PRKG2: variants seen among roughly 807,000 people sequenced by gnomAD.
PRKG2 encodes the protein cGMP-dependent protein kinase 2.
A neutral mutation model predicts 97.2 loss-of-function variants in PRKG2; 33 were observed. That is an observed-to-expected ratio of 0.34 (90% CI 0.26 to 0.45). The LOEUF (loss-of-function observed/expected upper bound fraction) is 0.45. Among genes scored for constraint, PRKG2 ranks in the 20% least tolerant of loss-of-function variants. The pLI is 1.00. For missense variants in PRKG2, 638 were observed against 900.0 expected, an observed-to-expected ratio of 0.71 and a Z score of 3.73; for synonymous variants, 330 against 321.8, an observed-to-expected ratio of 1.03 and a Z score of -0.27.
intron 14 of PRKG2, among the ~76,000 whole-genome samples, chr4:81,123,467 C>T (rs940016012): frequency 8.5e-5 from 13 of 152,202 alleles, no homozygotes; most frequent in Admixed American, 3.3e-4. Context: ...TGCAGTGGCA[C>T]GATCTCGGCT....
At position 81,104,425 on chromosome 4, in the gene PRKG2, G is replaced by T. The variant is rs778125868; in HGVS notation, c.2071C>A (p.Pro691Thr). ...DLIRRLCRQNPTERLGNLKNG... is the reference protein window; with the variant it reads ...DLIRRLCRQNTTERLGNLKNG... ...TTCAGATTTCCCAGCCTTTCTGTTGGATTTTGCCTAAAACAATAATTTGTA... is the reference window on the plus strand; with the variant it reads ...TTCAGATTTCCCAGCCTTTCTGTTGTATTTTGCCTAAAACAATAATTTGTA... Residue 691 changes from proline (P) to threonine (T), a missense_variant, in exon 17 of 19, where the codon CCA becomes ACA. By Grantham distance (38) the Pro-to-Thr change is conservative (BLOSUM62 -1). Coordinates refer to ENST00000264399, the MANE Select transcript of PRKG2 (RefSeq NM_006259.3). The T allele has an allele frequency of 4.1e-6, 6 of 1,448,622 alleles. No individual in the cohort carries two copies. The highest frequency in any genetic ancestry group is 2.7e-5 in the East Asian group (1 of 37,544). The allele number at this position is 1,448,622 out of a possible 1,614,324, so 89.7% of individuals were successfully genotyped here.
chr4:81,214,042 C>A (rs1035531311), intron 1 of PRKG2, among the ~76,000 whole-genome samples: 25 of 151,244 alleles, frequency 1.7e-4, no homozygotes, highest in African/African-American at 6.1e-4. Flanking sequence ...GTGGGATGAT[C>A]GCCTTCTTCA....
chr4:81,114,112 C>T (rs1578361740), intron 14 of PRKG2, among the ~76,000 whole-genome samples: 1 of 152,026 alleles, frequency 6.6e-6, no homozygotes, highest in East Asian at 1.9e-4. Context: ...ATCTCATATG[C>T]CACCACTTAT....
At chr4:81,182,341 C>G (rs1357866044) in intron 2 of PRKG2, among the ~76,000 whole-genome samples, 4 of 151,682 alleles carry the variant, frequency 2.6e-5, no homozygotes, top group Admixed American at 2.0e-4. Context: ...AATTAAACAC[C>G]TGTAATAATT....
At chr4:81,211,698 A>G (rs1042777871) in intron 1 of PRKG2, among the ~76,000 whole-genome samples, 19 of 152,186 alleles carry the variant, frequency 1.2e-4, no homozygotes, top group Non-Finnish European at 2.2e-4. Flanking sequence ...TCAGAGTCCC[A>G]ACACTATTTA....
intron 2 of PRKG2, among the ~76,000 whole-genome samples, chr4:81,183,639 A>G (rs1007843350): frequency 6.6e-6 from 1 of 151,488 alleles, no homozygotes; most frequent in African/African-American, 2.4e-5. Flanking sequence ...TGCCAGAAAG[A>G]CAGAATCGTT....
In PRKG2 at chr4:81,192,803, A is replaced by G. The variant is rs545194315; in HGVS notation, c.461+11784T>C. Among the ~76,000 whole-genome samples, 14 of 152,326 alleles carry G rather than the reference A, an allele frequency of 9.2e-5. No individual in the cohort carries two copies. In the South Asian group the frequency reaches 2.5e-3, roughly 27 times the overall value. On this transcript the variant is annotated intron_variant, in intron 2 of 18. Transcript: ENST00000264399. ...CTCTGCTCAGTTCAAAGTTCCTCCAATGGGGCTGGATGTTGAATTCATGCC... is the reference window on the plus strand; with the variant it reads ...CTCTGCTCAGTTCAAAGTTCCTCCAGTGGGGCTGGATGTTGAATTCATGCC...
intron 1 of PRKG2, among the ~76,000 whole-genome samples, chr4:81,213,688 A>T (rs901514763): frequency 1.3e-5 from 2 of 152,214 alleles, no homozygotes; most frequent in African/African-American, 4.8e-5. Context: ...GAAAAACGAA[A>T]ACATGGGAGA....
intron 17 of PRKG2, among the ~76,000 whole-genome samples, chr4:81,097,421 G>T (rs2109952179): frequency 6.6e-6 from 1 of 152,274 alleles, no homozygotes; most frequent in Non-Finnish European, 1.5e-5. Flanking sequence ...TAAAGCACCG[G>T]CAGAGTAGAT....
At chr4:81,166,783 A>G (rs1055396423) in intron 6 of PRKG2, among the ~76,000 whole-genome samples, 5 of 152,086 alleles carry the variant, frequency 3.3e-5, no homozygotes, top group Non-Finnish European at 7.4e-5. Context: ...TCTCTGCTCC[A>G]TTTCTTAATT....
At chr4:81,165,454 C>A (rs1314075903) in intron 6 of PRKG2, among the ~76,000 whole-genome samples, 5 of 152,096 alleles carry the variant, frequency 3.3e-5, no homozygotes, top group African/African-American at 1.2e-4. Context: ...TGGACACTGT[C>A]AAAAATGATG....
At chr4:81,151,810 T>A (rs934038243) in intron 8 of PRKG2, 150 bp downstream of exon 8, 7 of 624,700 alleles carry the variant, frequency 1.1e-5, no homozygotes, top group African/African-American at 7.7e-5. Context: ...ATTTCCCGCA[T>A]AAAAATTTAA....
chr4:81,217,011 AGT>A (rs34149398), upstream of PRKG2, among the ~76,000 whole-genome samples: 22,547 of 132,014 alleles, frequency 0.17, 2,475 homozygotes, highest in Non-Finnish European at 0.22. Context: ...ATACCACCAT[AGT>A]GTGTGTGTAT....
At chr4:81,181,541 C>T (rs1353332876) in intron 2 of PRKG2, among the ~76,000 whole-genome samples, 1 of 150,732 alleles carries the variant, frequency 6.6e-6, no homozygotes, top group African/African-American at 2.4e-5. Context: ...AATAATAAAA[C>T]AGGAAAAAAG....
intron 2 of PRKG2, among the ~76,000 whole-genome samples, chr4:81,185,302 TAG>T (rs1379717767): frequency 3.9e-5 from 6 of 151,976 alleles, no homozygotes; most frequent in Admixed American, 1.3e-4. Flanking sequence ...TACAAGCCAG[TAG>T]AGAGTGGGGG....
intron 2 of PRKG2, among the ~76,000 whole-genome samples, chr4:81,196,979 T>C (rs1389842555): frequency 6.6e-6 from 1 of 152,204 alleles, no homozygotes; most frequent in African/African-American, 2.4e-5. Context: ...AAACGTTTCA[T>C]CCTTGTCTTC....
chr4:81,101,400 G>C, intron 17 of PRKG2, among the ~76,000 whole-genome samples: 1 of 152,132 alleles, frequency 6.6e-6, no homozygotes, highest in East Asian at 1.9e-4. Flanking sequence ...AAAATGATGA[G>C]TTCATGTCCT....
intron 2 of PRKG2, among the ~76,000 whole-genome samples, chr4:81,203,825 TC>T (rs1753471635): frequency 6.6e-6 from 1 of 152,194 alleles, no homozygotes; most frequent in African/African-American, 2.4e-5. Flanking sequence ...TTTTAATTGT[TC>T]CCTCTGCCTG....
In PRKG2 at chr4:81,202,679, T is replaced by C. The variant is rs142201522; in HGVS notation, c.461+1908A>G. On this transcript the variant is annotated intron_variant, in intron 2 of 18. Coordinates refer to ENST00000264399, the MANE Select transcript of PRKG2 (RefSeq NM_006259.3). The stretch of plus-strand genomic sequence containing the variant: ...TATCCTTCCTGTGTCCCATTCACTA[T>C]AGACAGACAGAAAGAAGTCTGGTTT... Among the ~76,000 whole-genome samples, 819 of 152,190 alleles carry C rather than the reference T, an allele frequency of 5.4e-3. 7 individuals are homozygous for C. Among genetic ancestry groups the C allele is most frequent in the African/African-American group, 0.018 (765 of 41,510 alleles).
Sources: gnomAD v4.1 joint callset for allele counts (sites outside exome capture counted in the v4.1 genomes callset) on GRCh38, gnomAD v4.1.1 for gene constraint, MANE v1.5 for transcripts, NCBI Gene and HGNC (gene_info 2026-07-23, HGNC 2026-07-21) for gene names.